GPR137C: variants seen among roughly 807,000 people sequenced by gnomAD.
GPR137C encodes the protein integral membrane protein GPR137C.
In GPR137C, 27 loss-of-function variants were observed where a neutral mutation model predicts 43.4. The observed-to-expected ratio is 0.62, with a 90% CI of 0.46 to 0.86. The LOEUF (loss-of-function observed/expected upper bound fraction) is 0.86. GPR137C is among the 40% of genes least tolerant of loss of function. The probability of loss-of-function intolerance (pLI) is 0.00; values close to 1 mark genes in which losing one functional copy is unlikely to be tolerated. For synonymous variants in GPR137C, 285 were observed against 226.9 expected (o/e 1.26, Z -2.30); for missense variants, 522 against 534.6 (o/e 0.98, Z 0.23).
rs779469801 is a variant in GPR137C, at chr14:52,633,512, G to A, written c.868-18G>A. 1.9e-6 allele frequency: 3 copies of A among 1,608,058 alleles called. No individual in the cohort carries two copies. Among genetic ancestry groups the A allele is most frequent in the East Asian group, 2.2e-5 (1 of 44,794 alleles). On this transcript the variant is annotated intron_variant, in intron 4 of 6. Coordinates refer to ENST00000321662, the MANE Select transcript of GPR137C (RefSeq NM_001099652.2). ...CAATAAACAGATGTAAAAATTCTCT[G>A]CCATGCTCTATTTACAGGCTCATGT...
intron 3 of GPR137C, among the ~76,000 whole-genome samples, chr14:52,623,177 A>T (rs969739302): frequency 6.6e-6 from 1 of 152,096 alleles, no homozygotes; most frequent in African/African-American, 2.4e-5. Context: ...AAGCCCTGCC[A>T]CATCTGTACA....
At chr14:52,584,287 A>G (rs2038684991) in intron 1 of GPR137C, among the ~76,000 whole-genome samples, 1 of 152,244 alleles carries the variant, frequency 6.6e-6, no homozygotes, top group Non-Finnish European at 1.5e-5. Context: ...ATATGTGCTA[A>G]GCTGGATCAT....
In GPR137C at chr14:52,636,518, T is replaced by C. The variant is rs921433146; in HGVS notation, c.*1403T>C. The C allele has an allele frequency of 6.6e-6, 1 of 152,134 alleles. No individual in the cohort carries two copies. Among genetic ancestry groups the C allele is most frequent in the African/African-American group, 2.4e-5 (1 of 41,448 alleles). 9.4% of individuals were successfully genotyped at this position (152,134 alleles called of 1,614,324 possible). On this transcript the variant is annotated 3_prime_UTR_variant, in exon 7 of 7. Transcript: ENST00000321662. ...GCTATTTCTTCAGAACTGGAACTAA[T>C]ACGACTATCCTTTTCTGTTTTATAC...
chr14:52,554,938 C>T (rs2038169935), intron 1 of GPR137C, among the ~76,000 whole-genome samples: 2 of 151,990 alleles, frequency 1.3e-5, no homozygotes, highest in African/African-American at 4.8e-5. Context: ...AAACGCAAAC[C>T]AGTAAGCGGA....
chr14:52,632,377 C>G, intron 4 of GPR137C, 68 bp downstream of exon 4: 1 of 1,131,574 alleles, frequency 8.8e-7, no homozygotes, highest in East Asian at 2.4e-5. Context: ...TAGAAGAACA[C>G]TGTAGTGTTT....
intron 1 of GPR137C, among the ~76,000 whole-genome samples, chr14:52,588,084 CAG>C (rs2038735321): frequency 6.6e-6 from 1 of 152,150 alleles, no homozygotes; most frequent in Non-Finnish European, 1.5e-5. Flanking sequence ...AATGGGAAAA[CAG>C]TAACTAAATG....
intron 1 of GPR137C, among the ~76,000 whole-genome samples, chr14:52,560,146 G>A (rs2038258529): frequency 6.6e-6 from 1 of 152,106 alleles, no homozygotes; most frequent in African/African-American, 2.4e-5. Flanking sequence ...GACAGAACAA[G>A]ACCCTGTTTC....
At chr14:52,634,857 T>C (rs2039334255) in intron 6 of GPR137C, 81 bp from the exon 7 acceptor site, 1 of 1,224,486 alleles carries the variant, frequency 8.2e-7, no homozygotes. Flanking sequence ...ACAAAATTCA[T>C]TGAAAATGCT....
intron 3 of GPR137C, among the ~76,000 whole-genome samples, chr14:52,601,633 C>G (rs1448534350): frequency 6.6e-6 from 1 of 151,836 alleles, no homozygotes; most frequent in Non-Finnish European, 1.5e-5. Flanking sequence ...AATATTTTAG[C>G]TAATTCAGGC....
intron 3 of GPR137C, chr14:52,611,525 T>C (rs2039039119): frequency 5.5e-6 from 2 of 361,300 alleles, no homozygotes; most frequent in Non-Finnish European, 7.7e-6. Flanking sequence ...CCTCCTTTTG[T>C]TATTTTTTGT....
intron 1 of GPR137C, among the ~76,000 whole-genome samples, chr14:52,569,028 C>A (rs1011462321): frequency 4.6e-5 from 7 of 152,224 alleles, no homozygotes; most frequent in Admixed American, 6.5e-5. Context: ...GGGCGACAGA[C>A]ACCTTATGCA....
chr14:52,566,750 C>T (rs2038376237), intron 1 of GPR137C, among the ~76,000 whole-genome samples: 1 of 152,138 alleles, frequency 6.6e-6, no homozygotes. Flanking sequence ...TTAAAGGCAC[C>T]TACATTTTTA....
chr14:52,573,070 G>T (rs1048919741), intron 1 of GPR137C, among the ~76,000 whole-genome samples: 10 of 152,104 alleles, frequency 6.6e-5, no homozygotes, highest in African/African-American at 2.4e-4. Flanking sequence ...AAGGAAATAA[G>T]AGAGGATGCA....
chr14:52,629,020 T>C (rs1404795652), intron 3 of GPR137C, among the ~76,000 whole-genome samples: 2 of 152,148 alleles, frequency 1.3e-5, no homozygotes, highest in Admixed American at 1.3e-4. Flanking sequence ...AAATGGCCAA[T>C]AACACAATAT....
At chr14:52,556,850 A>C (rs1323521000) in intron 1 of GPR137C, among the ~76,000 whole-genome samples, 1 of 152,138 alleles carries the variant, frequency 6.6e-6, no homozygotes, top group East Asian at 1.9e-4. Context: ...TGCCAAAATC[A>C]ATGAGTTCAT....
At chr14:52,618,150 A>T (rs1326498683) in intron 3 of GPR137C, among the ~76,000 whole-genome samples, 1 of 152,178 alleles carries the variant, frequency 6.6e-6, no homozygotes, top group Non-Finnish European at 1.5e-5. Flanking sequence ...GAATATTTTA[A>T]CTTTGCTTGA....
intron 3 of GPR137C, among the ~76,000 whole-genome samples, chr14:52,619,001 A>G (rs1566623724): frequency 6.6e-6 from 1 of 152,168 alleles, no homozygotes; most frequent in South Asian, 2.1e-4. Context: ...TGCCAGCCCA[A>G]TCAGCCATTT....
At chr14:52,560,494 A>G (rs1057390559) in intron 1 of GPR137C, among the ~76,000 whole-genome samples, 9 of 152,214 alleles carry the variant, frequency 5.9e-5, no homozygotes, top group African/African-American at 2.2e-4. Flanking sequence ...GAAGGATCGC[A>G]CTACTTGAAG....
At chr14:52,610,119 A>C (rs1032076717) in intron 3 of GPR137C, among the ~76,000 whole-genome samples, 1 of 152,186 alleles carries the variant, frequency 6.6e-6, no homozygotes, top group Non-Finnish European at 1.5e-5. Context: ...GCTCTTCTTC[A>C]CTACCCAAAT....
Sources: allele counts gnomAD v4.1 joint callset (sites outside exome capture counted in the v4.1 genomes callset), GRCh38; gene constraint gnomAD v4.1.1; transcripts MANE v1.5; gene names NCBI Gene and HGNC (gene_info 2026-07-23, HGNC 2026-07-21).